The following SEMA4F variants were observed in gnomAD, a reference collection of about 807,000 sequenced individuals.
SEMA4F encodes ssemaphorin 4F.
In SEMA4F, 51 loss-of-function variants were observed where a neutral mutation model predicts 78.4. That is an observed-to-expected ratio of 0.65 (90% CI 0.52 to 0.82). The LOEUF is 0.82. Ranked by LOEUF, SEMA4F falls within the 40% of genes least tolerant of loss-of-function variation. The pLI is 0.00. For missense variants in SEMA4F, 938 were observed against 1,014.4 expected (o/e 0.92, Z 1.02); for synonymous variants, 418 against 408.7 (o/e 1.02, Z -0.27).
In SEMA4F at chr2:74,658,105, G is replaced by T. The variant is rs1290384651; in HGVS notation, c.456+154G>T. Among the ~76,000 whole-genome samples the T allele has an allele frequency of 6.6e-6, 1 of 152,144 alleles. No individual in the cohort carries two copies. ...GTGCATGATAAGCATTGGGTGTAGG[G>T]GCTGTCCTCATGGGATGAGGGTATG... On this transcript the variant is annotated intron_variant, in intron 4 of 13. Transcript: ENST00000357877. The surrounding 1 kb of genome is among the most constrained non-coding windows in gnomAD (Gnocchi z 4.3).
rs1291130580 is a variant in SEMA4F, at chr2:74,658,482, G to GT, written c.456+532dup. On this transcript the variant is annotated intron_variant, in intron 4 of 13. Coordinates refer to ENST00000357877, the MANE Select transcript of SEMA4F (RefSeq NM_004263.5). This position sits in a 1 kb window ranked among gnomAD's most constrained non-coding sequence, Gnocchi z 4.3. ...GGCTTCTGATGTCACTTCCACTAATGTAATATCTGCTGGCCCCATATTCTG... is the reference window on the plus strand; with the variant it reads ...GGCTTCTGATGTCACTTCCACTAATGTTAATATCTGCTGGCCCCATATTCTG... Among the ~76,000 whole-genome samples, 1 of 152,194 alleles carries GT rather than the reference G, an allele frequency of 6.6e-6. No individual in the cohort carries two copies. The highest frequency in any genetic ancestry group is 2.4e-5 in the African/African-American group (1 of 41,448).
chr2:74,683,974 G>T (rs1205954823), downstream of SEMA4F: 4 of 152,156 alleles, frequency 2.6e-5, no homozygotes, highest in African/African-American at 9.7e-5. Flanking sequence ...TGTAAATGGG[G>T]TGGAGTTGAG....
At chr2:74,704,642 A>G in the SEMA4F span, among the ~76,000 whole-genome samples, 3 of 152,142 alleles carry the variant, frequency 2.0e-5, no homozygotes, top group Non-Finnish European at 4.4e-5. Context: ...CAAATATTGT[A>G]TAACGAGCCG....
chr2:74,675,197 C>T lies in SEMA4F; in HGVS notation c.1185C>T (p.Gly395=). 1 of 1,614,184 alleles carries T rather than the reference C, an allele frequency of 6.2e-7. No homozygotes were observed. Among genetic ancestry groups the T allele is most frequent in the South Asian group, 1.1e-5 (1 of 91,076 alleles). The change falls in exon 10 of 14, where the codon GGC becomes GGT. Residue 395 remains glycine, a synonymous_variant. Transcript: ENST00000357877. ...ITNNMKLRHF[G]SSLSLPDRVL... ...ACAACATGAAGCTCCGGCACTTTGG[C>T]TCATCTCTCTCCCTGCCTGACCGCG...
chr2:74,694,168 G>A, the SEMA4F span, among the ~76,000 whole-genome samples: 4 of 152,148 alleles, frequency 2.6e-5, no homozygotes, highest in Non-Finnish European at 2.9e-5. Context: ...GTGTGTGTGC[G>A]TGCTTCTTTC....
At chr2:74,693,412 C>T in the SEMA4F span, among the ~76,000 whole-genome samples, 1 of 152,148 alleles carries the variant, frequency 6.6e-6, no homozygotes. Context: ...AGTATTTCAC[C>T]ATTGTTTTTC....
chr2:74,664,332 TACTC>T (rs1039574798), intron 5 of SEMA4F, among the ~76,000 whole-genome samples: 2 of 152,382 alleles, frequency 1.3e-5, no homozygotes, highest in Admixed American at 6.5e-5. Context: ...AATGACATGT[TACTC>T]ATTCTGCTAA....
the SEMA4F span, among the ~76,000 whole-genome samples, chr2:74,697,537 T>G: frequency 6.6e-6 from 1 of 152,032 alleles, no homozygotes; most frequent in African/African-American, 2.4e-5. Flanking sequence ...ACTACCCTCT[T>G]CTCTTCTGAG....
At chr2:74,708,946 G>A in the SEMA4F span, among the ~76,000 whole-genome samples, 59 of 152,164 alleles carry the variant, frequency 3.9e-4, no homozygotes, top group South Asian at 0.011. Flanking sequence ...TAAGAGGATC[G>A]CTTGAGCCCA....
the SEMA4F span, among the ~76,000 whole-genome samples, chr2:74,694,239 T>C: frequency 6.6e-6 from 1 of 152,012 alleles, no homozygotes; most frequent in African/African-American, 2.4e-5. Flanking sequence ...CATCCTTCAG[T>C]CTCTCATTTT....
chr2:74,693,075 T>C, the SEMA4F span, among the ~76,000 whole-genome samples: 4 of 152,272 alleles, frequency 2.6e-5, no homozygotes, highest in African/African-American at 4.8e-5. Flanking sequence ...CTTTTCTCTA[T>C]GTATATATTC....
At position 74,674,445 on chromosome 2, in the gene SEMA4F, C is replaced by T. The variant is rs558964555; in HGVS notation, c.823-53C>T. 8.8e-4 allele frequency: 1,349 copies of T among 1,532,328 alleles called. 3 individuals are homozygous for T. Among genetic ancestry groups the T allele is most frequent in the Non-Finnish European group, 7.8e-4 (881 of 1,130,186 alleles). The allele number at this position is 1,532,328 out of a possible 1,614,324, so 94.9% of individuals were successfully genotyped here. The stretch of plus-strand genomic sequence containing the variant: ...GAAACTTAAATTGGTCTCCATGCTC[C>T]TTGCCCAATGATGATCATCTAAAGA... On this transcript the variant is annotated intron_variant, in intron 7 of 13. Coordinates refer to ENST00000357877, the MANE Select transcript of SEMA4F (RefSeq NM_004263.5).
downstream of SEMA4F, among the ~76,000 whole-genome samples, chr2:74,686,541 G>C (rs565697583): frequency 6.6e-6 from 1 of 152,292 alleles, no homozygotes; most frequent in East Asian, 1.9e-4. Context: ...TATACCCAAA[G>C]GATTATAAAT....
intron 11 of SEMA4F, 42 bp downstream of exon 11, chr2:74,675,676 A>C (rs1383406791): frequency 1.9e-6 from 3 of 1,612,706 alleles, no homozygotes; most frequent in Middle Eastern, 3.3e-4. Context: ...GAGACATCTG[A>C]GTCCAGAGCC....
At chr2:74,665,709 T>C (rs1684657517) in intron 5 of SEMA4F, among the ~76,000 whole-genome samples, 1 of 152,140 alleles carries the variant, frequency 6.6e-6, no homozygotes, top group South Asian at 2.1e-4. Context: ...AATAAAACAA[T>C]TTAGTGGATA....
At position 74,654,393 on chromosome 2, in the gene SEMA4F, C is replaced by T; in HGVS notation, c.17C>T (p.Ala6Val). MPASA[A>V]RPRPGPGQPT... The stretch of plus-strand genomic sequence containing the variant: ...GAGCCAAAGATGCCGGCCTCTGCTG[C>T]GCGGCCCCGCCCGGGTCCCGGGCAG... The change falls in exon 1 of 14, where the codon GCG (alanine) becomes GTG (valine). Residue 6 changes from alanine (A) to valine (V), a missense_variant. Transcript: ENST00000357877. 1.3e-6 allele frequency: 2 copies of T among 1,519,982 alleles called. No individual in the cohort carries two copies. Among genetic ancestry groups the T allele is most frequent in the Non-Finnish European group, 1.8e-6 (2 of 1,142,100 alleles). 94.2% of individuals were successfully genotyped at this position (1,519,982 alleles called of 1,614,324 possible). A position where few individuals can be genotyped will look rare whatever the true frequency, so the allele number is the denominator to read the frequency against.
intron 12 of SEMA4F, 48 bp from the exon 13 acceptor site, chr2:74,679,228 T>C: frequency 7.2e-7 from 1 of 1,384,312 alleles, no homozygotes; most frequent in Non-Finnish European, 1.0e-6. Flanking sequence ...TGAGGGGGGT[T>C]GAAGGGAATG....
Position 74,679,755 on chromosome 2 carries a change from C to T in SEMA4F, c.1859C>T (p.Pro620Leu), listed in dbSNP as rs145357480. 7.4e-5 allele frequency: 120 copies of T among 1,614,044 alleles called. No individual in the cohort carries two copies. Among genetic ancestry groups the T allele is most frequent in the Non-Finnish European group, 1.0e-4 (119 of 1,180,036 alleles). ...RRDGLEVVVT[P>L]GAMGAYACEC... is the part of the protein sequence containing the mutation. ...GATGGACTGGAGGTGGTGGTGACCCCAGGGGCCATGGGCGCTTATGCCTGT... is the reference window on the plus strand; with the variant it reads ...GATGGACTGGAGGTGGTGGTGACCCTAGGGGCCATGGGCGCTTATGCCTGT... Residue 620 changes from proline to leucine, a missense_variant, in exon 14 of 14, where the codon CCA becomes CTA. Transcript: ENST00000357877.
chr2:74,654,449 C>T lies in SEMA4F; in HGVS notation c.73C>T (p.Leu25=). ...AGCCTCGCCCTTCCCGCTACTGCTG[C>T]TGGCGGTGCTGAGCGGCCCGGTATC... ...PTASPFPLLL[L]AVLSGPVSGR... Residue 25 remains leucine (L), a synonymous_variant, in exon 1 of 14, where the codon CTG becomes TTG. Coordinates refer to ENST00000357877, the MANE Select transcript of SEMA4F (RefSeq NM_004263.5). 2 of 1,574,966 alleles carry T rather than the reference C, an allele frequency of 1.3e-6. No homozygotes were observed. Among genetic ancestry groups the T allele is most frequent in the Non-Finnish European group, 1.7e-6 (2 of 1,165,828 alleles).
Sources: allele counts gnomAD v4.1 joint callset (sites outside exome capture counted in the v4.1 genomes callset), GRCh38; gene constraint gnomAD v4.1.1; non-coding constraint Gnocchi (gnomAD v3.1); transcripts MANE v1.5; gene names NCBI Gene and HGNC (gene_info 2026-07-23, HGNC 2026-07-21).